The following ARFGEF1 variants were observed in gnomAD, a reference collection of about 807,000 sequenced individuals.
The protein encoded by ARFGEF1 is ARF guanine nucleotide exchange factor 1.
ARFGEF1 carries 42 observed loss-of-function variants against 231.0 expected under a neutral mutation model. That is an observed-to-expected ratio of 0.18 (90% CI 0.14 to 0.24). The LOEUF is 0.24. ARFGEF1 is among the 10% of genes least tolerant of loss of function. ARFGEF1 has a pLI of 1.00. For missense variants in ARFGEF1, 1,345 were observed against 2,192.0 expected, an observed-to-expected ratio of 0.61 and a Z score of 7.72; for synonymous variants, 710 against 732.3, an observed-to-expected ratio of 0.97 and a Z score of 0.49.
chr8:67,225,938 A>G (rs1429872394), intron 28 of ARFGEF1, 85 bp downstream of exon 28: 3 of 1,327,002 alleles, frequency 2.3e-6, no homozygotes, highest in South Asian at 1.7e-5. Flanking sequence ...TAAATGCTTC[A>G]TATACCCTCA....
intron 33 of ARFGEF1, among the ~76,000 whole-genome samples, chr8:67,212,985 A>G (rs904225863): frequency 2.0e-5 from 3 of 152,176 alleles, no homozygotes; most frequent in African/African-American, 7.2e-5. Flanking sequence ...TTTGGATGTT[A>G]GGTATATTGT....
intron 14 of ARFGEF1, among the ~76,000 whole-genome samples, chr8:67,262,490 T>G (rs1413330997): frequency 1.1e-4 from 16 of 152,212 alleles, no homozygotes; most frequent in Admixed American, 1.0e-3. Flanking sequence ...TTCCATAAAT[T>G]TAGTTTATAA....
Position 67,190,677 on chromosome 8 carries a change from T to C in ARFGEF1, c.560+9719A>G. ...GCTTACGGTGAGACATATCCTGCCA[T>C]TGAAGATGACGTCCTCCCTCCACCA... On this transcript the variant is annotated intron_variant, in intron 5 of 5. Coordinates refer to the ARFGEF1 transcript ENST00000518789. 6.2e-7 allele frequency: 1 copy of C among 1,614,094 alleles called. No individual in the cohort carries two copies. Among genetic ancestry groups the C allele is most frequent in the Non-Finnish European group, 8.5e-7 (1 of 1,179,972 alleles).
At position 67,227,203 on chromosome 8, in the gene ARFGEF1, G is replaced by C. The variant is rs1410248694; in HGVS notation, c.3850C>G (p.Leu1284Val). The C allele has an allele frequency of 1.2e-6, 2 of 1,613,046 alleles. No individual in the cohort carries two copies. The highest frequency in any genetic ancestry group is 1.7e-6 in the Non-Finnish European group (2 of 1,179,306). Residue 1284 changes from leucine (L) to valine (V), a missense_variant, in exon 27 of 39, where the codon CTA becomes GTA. This residue lies in a region of ARFGEF1 where 142 missense variants were observed against 227.3 expected (regional missense o/e 0.62). Coordinates refer to ENST00000262215, the MANE Select transcript of ARFGEF1 (RefSeq NM_006421.5). ...CTTTCATCTTGATCAGATGCAGCTAGATGAAATACAGAGAAAATGTTCTTC... is the reference window on the plus strand; with the variant it reads ...CTTTCATCTTGATCAGATGCAGCTACATGAAATACAGAGAAAATGTTCTTC... ...GWKNIFSVFH[L>V]AASDQDESIV...
chr8:67,338,128 G>C (rs1030744632), intron 1 of ARFGEF1, among the ~76,000 whole-genome samples: 1 of 152,070 alleles, frequency 6.6e-6, no homozygotes, highest in African/African-American at 2.4e-5. Context: ...CCCCTAGATG[G>C]GGTGGGAAAG....
downstream of ARFGEF1, chr8:67,195,460 A>G: frequency 6.2e-7 from 1 of 1,614,108 alleles, no homozygotes; most frequent in Non-Finnish European, 8.5e-7. Context: ...GTAGCAACTG[A>G]GCCCTGGCTC....
intron 9 of ARFGEF1, among the ~76,000 whole-genome samples, chr8:67,273,775 C>T (rs561741441): frequency 6.6e-6 from 1 of 152,126 alleles, no homozygotes; most frequent in African/African-American, 2.4e-5. Context: ...CAAGTAGAGA[C>T]AGCAAGAACT....
At chr8:67,253,400 C>G in intron 18 of ARFGEF1, 51 bp downstream of exon 18, 1 of 1,323,682 alleles carries the variant, frequency 7.6e-7, no homozygotes, top group South Asian at 1.5e-5. Context: ...CTCTTAGGAA[C>G]CCATATTTTT....
intron 1 of ARFGEF1, among the ~76,000 whole-genome samples, chr8:67,310,532 T>C (rs564531782): frequency 6.6e-6 from 1 of 152,122 alleles, no homozygotes; most frequent in Non-Finnish European, 1.5e-5. Flanking sequence ...ATCTGGGAAG[T>C]GAGGAGTGTC....
chr8:67,301,975 G>A (rs1306752321), intron 2 of ARFGEF1, among the ~76,000 whole-genome samples: 1 of 152,112 alleles, frequency 6.6e-6, no homozygotes, highest in East Asian at 1.9e-4. Context: ...GGGAAGCCGA[G>A]GTGCGTGGGT....
intron 1 of ARFGEF1, among the ~76,000 whole-genome samples, chr8:67,318,789 A>C (rs1389976333): frequency 6.6e-6 from 1 of 152,228 alleles, no homozygotes; most frequent in Non-Finnish European, 1.5e-5. Context: ...AGCTTGAGCA[A>C]TACAGTGAGA....
At chr8:67,253,024 T>C (rs1018656131) in intron 18 of ARFGEF1, among the ~76,000 whole-genome samples, 5 of 152,328 alleles carry the variant, frequency 3.3e-5, no homozygotes, top group East Asian at 3.9e-4. Context: ...AACTACTAAA[T>C]GGATCAGCAT....
intron 1 of ARFGEF1, among the ~76,000 whole-genome samples, chr8:67,334,389 T>G (rs1808248386): frequency 6.6e-6 from 1 of 151,488 alleles, no homozygotes. Flanking sequence ...TTCAATGAAG[T>G]AACACTTCAT....
At chr8:67,270,793 C>T (rs1484671930) in intron 10 of ARFGEF1, among the ~76,000 whole-genome samples, 2 of 149,196 alleles carry the variant, frequency 1.3e-5, no homozygotes, top group East Asian at 2.0e-4. Context: ...GGGAGGCGGA[C>T]GCGGACAGAT....
downstream of ARFGEF1, chr8:67,196,084 C>CTGAT (rs1464611032): frequency 6.5e-6 from 1 of 153,826 alleles, no homozygotes; most frequent in Admixed American, 6.4e-5. Flanking sequence ...TTTGTAGCTA[C>CTGAT]TGATACAGCA....
At position 67,238,987 on chromosome 8, in the gene ARFGEF1, TTTTG is replaced by T. The variant is rs960448738; in HGVS notation, c.2980-98_2980-95del. On this transcript the variant is annotated intron_variant, in intron 20 of 38. Transcript: ENST00000262215. ...AACTCTGTTTACTTGTTCAGTAAGA[TTTTG>T]TTTTTTTTTTTTTTAATTTATTTAT... The T allele has an allele frequency of 2.1e-5, 20 of 970,378 alleles. No homozygotes were observed. In the Middle Eastern group the frequency reaches 7.1e-4, roughly 34 times the overall value. 60.1% of individuals were successfully genotyped at this position (970,378 alleles called of 1,614,324 possible).
chr8:67,321,382 G>A (rs768151786), intron 1 of ARFGEF1, among the ~76,000 whole-genome samples: 4 of 152,194 alleles, frequency 2.6e-5, no homozygotes, highest in Non-Finnish European at 4.4e-5. Context: ...GACGTAGTTG[G>A]TTGTATTTTT....
intron 6 of ARFGEF1, among the ~76,000 whole-genome samples, chr8:67,289,302 C>A (rs1805897975): frequency 6.6e-6 from 1 of 151,996 alleles, no homozygotes; most frequent in Admixed American, 6.6e-5. Context: ...CACCTGTAAT[C>A]CCAGCACTTT....
chr8:67,240,115 G>A (rs1489714106), intron 20 of ARFGEF1, 47 bp downstream of exon 20: 1 of 1,591,692 alleles, frequency 6.3e-7, no homozygotes. Flanking sequence ...TAATGGCATA[G>A]GTAATTAATG....
Sources: allele counts gnomAD v4.1 joint callset (sites outside exome capture counted in the v4.1 genomes callset), GRCh38; gene constraint gnomAD v4.1.1; regional missense constraint gnomAD v4.1.1; transcripts MANE v1.5; gene names NCBI Gene and HGNC (gene_info 2026-07-23, HGNC 2026-07-21).